Variants in CFAP20DC observed in about 807,000 individuals in gnomAD.
CFAP20DC encodes the protein protein CFAP20DC.
A neutral mutation model predicts 101.7 loss-of-function variants in CFAP20DC; 84 were observed. The observed-to-expected ratio is 0.83, with a 90% CI of 0.69 to 0.99. The LOEUF (loss-of-function observed/expected upper bound fraction) is 0.99, where lower values mean the gene tolerates loss of function less well. Ranked by LOEUF, CFAP20DC falls within the 50% of genes least tolerant of loss-of-function variation. CFAP20DC has a pLI of 0.00. For synonymous variants in CFAP20DC, 359 were observed against 351.2 expected, an observed-to-expected ratio of 1.02 and a Z score of -0.25; for missense variants, 1,007 against 970.3, an observed-to-expected ratio of 1.04 and a Z score of -0.50.
chr3:58,734,670 C>G, intron 3 of CFAP20DC: 1 of 435,042 alleles, frequency 2.3e-6, no homozygotes, highest in Non-Finnish European at 4.6e-6. Flanking sequence ...CAAGTTCCCT[C>G]TAACTTGGTG....
Position 58,863,525 on chromosome 3 carries a change from C to A in CFAP20DC, c.1593+33G>T, listed in dbSNP as rs1355035661. On this transcript the variant is annotated intron_variant, in intron 12 of 16. Transcript: ENST00000482387. This position sits in a 1 kb window ranked among gnomAD's most constrained non-coding sequence, Gnocchi z 5.9. The stretch of plus-strand genomic sequence containing the variant: ...TATTGGAGCTAAGGAAACAACTGTG[C>A]TTCAAGACTACTTCACTTATCAAGC... 12 of 1,610,516 alleles carry A rather than the reference C, an allele frequency of 7.5e-6. No homozygotes were observed. The highest frequency in any genetic ancestry group is 9.3e-6 in the Non-Finnish European group (11 of 1,178,836).
Position 58,792,863 on chromosome 3 carries a change from G to C in CFAP20DC, c.2237+13532C>G, listed in dbSNP as rs114308060. ...CTTGTTGTAAGTGATTTAAATGCTT[G>C]AAGAAAAAGTACATGTGGTGTTGGT... On this transcript the variant is annotated intron_variant, in intron 15 of 16. Transcript: ENST00000482387. Among the ~76,000 whole-genome samples, 1,012 of 152,070 alleles carry C rather than the reference G, an allele frequency of 6.7e-3. 15 individuals are homozygous for C. Among genetic ancestry groups the C allele is most frequent in the African/African-American group, 0.023 (959 of 41,512 alleles).
Position 58,863,838 on chromosome 3 carries a change from C to A in CFAP20DC, c.1313G>T (p.Arg438Ile). 1 of 1,614,148 alleles carries A rather than the reference C, an allele frequency of 6.2e-7. No homozygotes were observed. The highest frequency in any genetic ancestry group is 8.5e-7 in the Non-Finnish European group (1 of 1,180,000). The change falls in exon 12 of 17, where the codon AGA (arginine) becomes ATA (isoleucine). Residue 438 changes from arginine (R) to isoleucine (I), a missense_variant. Physicochemically the swap from Arg to Ile is moderately conservative, Grantham distance 97. Coordinates refer to ENST00000482387, the MANE Select transcript of CFAP20DC (RefSeq NM_001394063.1). This position sits in a 1 kb window ranked among gnomAD's most constrained non-coding sequence, Gnocchi z 5.9. ...ADHISYLASS[R>I]QSLLLGDDSC... The stretch of plus-strand genomic sequence containing the variant: ...GTCATCACCCAGAAGTAGAGACTGT[C>A]TGCTGGATGCCAGATATGAAATGTG...
intron 13 of CFAP20DC, among the ~76,000 whole-genome samples, chr3:58,840,588 T>C (rs1230318496): frequency 6.6e-6 from 1 of 152,156 alleles, no homozygotes; most frequent in Non-Finnish European, 1.5e-5. Flanking sequence ...CAACTATAAA[T>C]AAAGAGCAGG....
intron 4 of CFAP20DC, among the ~76,000 whole-genome samples, chr3:59,028,640 T>C (rs568496287): frequency 1.3e-5 from 2 of 152,196 alleles, no homozygotes; most frequent in Non-Finnish European, 2.9e-5. Flanking sequence ...TCAGGCTACA[T>C]GTTTGAATCT....
At chr3:58,723,074 A>G (rs2067495339) in intron 3 of CFAP20DC, among the ~76,000 whole-genome samples, 1 of 152,262 alleles carries the variant, frequency 6.6e-6, no homozygotes, top group African/African-American at 2.4e-5. Flanking sequence ...ACAAAACCTG[A>G]TGCTAAGCAA....
intron 4 of CFAP20DC, 52 bp downstream of exon 4, chr3:59,039,505 G>A: frequency 9.0e-7 from 1 of 1,112,464 alleles, no homozygotes; most frequent in Non-Finnish European, 1.3e-6. Context: ...TGCTTCAATT[G>A]ATCAAATGTC....
At chr3:58,815,926 T>C (rs1410371601) in intron 14 of CFAP20DC, among the ~76,000 whole-genome samples, 2 of 151,376 alleles carry the variant, frequency 1.3e-5, no homozygotes, top group Non-Finnish European at 1.5e-5. Context: ...TGTAAACTAG[T>C]TCAACCATTG....
chr3:58,789,871 A>T (rs1490394268), intron 15 of CFAP20DC, among the ~76,000 whole-genome samples: 1 of 152,188 alleles, frequency 6.6e-6, no homozygotes, highest in Admixed American at 6.6e-5. Context: ...ATAATTATTC[A>T]TGGTGTTACT....
At chr3:58,797,347 G>T (rs971848069) in intron 15 of CFAP20DC, among the ~76,000 whole-genome samples, 3 of 152,188 alleles carry the variant, frequency 2.0e-5, no homozygotes, top group Non-Finnish European at 4.4e-5. Context: ...TATGGAGAAA[G>T]TTTGAGTGGT....
At chr3:58,790,819 G>C (rs2072784065) in intron 15 of CFAP20DC, among the ~76,000 whole-genome samples, 1 of 152,144 alleles carries the variant, frequency 6.6e-6, no homozygotes, top group Non-Finnish European at 1.5e-5. Context: ...CGGTGATTAG[G>C]ACTATGCCAG....
At chr3:58,755,043 G>A (rs138498331) in intron 15 of CFAP20DC, among the ~76,000 whole-genome samples, 4 of 152,220 alleles carry the variant, frequency 2.6e-5, no homozygotes, top group Non-Finnish European at 4.4e-5. Context: ...GGACTTTGTT[G>A]GAACTAAACC....
chr3:58,806,393 A>T lies in CFAP20DC; in HGVS notation c.2237+2T>A. ...TAAATGTAGATTATTAATGATTCTT[A>T]CCGGGGATTAGAAGGAGAAGGTGGG... On this transcript the variant is annotated splice_donor_variant, in intron 15 of 16. Transcript: ENST00000482387. LOFTEE classifies it high-confidence loss of function. 2 of 1,578,504 alleles carry T rather than the reference A, an allele frequency of 1.3e-6. No homozygotes were observed. Among genetic ancestry groups the T allele is most frequent in the Non-Finnish European group, 1.7e-6 (2 of 1,147,768 alleles).
At chr3:58,850,481 G>A (rs558222453) in intron 12 of CFAP20DC, among the ~76,000 whole-genome samples, 13 of 151,676 alleles carry the variant, frequency 8.6e-5, no homozygotes, top group East Asian at 1.9e-4. Flanking sequence ...CCAGCTACTC[G>A]GGAGACTGAG....
intron 15 of CFAP20DC, among the ~76,000 whole-genome samples, chr3:58,797,239 A>C (rs1175651904): frequency 6.6e-6 from 1 of 152,224 alleles, no homozygotes; most frequent in Non-Finnish European, 1.5e-5. Flanking sequence ...CCAAAAGCTA[A>C]GATGGGAATG....
At position 59,036,804 on chromosome 3, in the gene CFAP20DC, A is replaced by G. The variant is rs544491734; in HGVS notation, c.278+2753T>C. Among the ~76,000 whole-genome samples the G allele has an allele frequency of 2.6e-5, 4 of 152,330 alleles. No individual in the cohort carries two copies. In the East Asian group the frequency reaches 5.8e-4, roughly 22 times the overall value. ...TACTTTAAATTTCATATGGAACCAA[A>G]AAAGAGCCCATATAGCCAAAACAAT... On this transcript the variant is annotated intron_variant, in intron 4 of 16. Coordinates refer to ENST00000482387, the MANE Select transcript of CFAP20DC (RefSeq NM_001394063.1).
intron 5 of CFAP20DC, among the ~76,000 whole-genome samples, chr3:58,920,336 C>T (rs1378345164): frequency 6.6e-6 from 1 of 152,034 alleles, no homozygotes; most frequent in African/African-American, 2.4e-5. Context: ...TCAAACAATC[C>T]TCCTGTCTCA....
At chr3:58,752,792 T>A (rs538217731) in intron 16 of CFAP20DC, among the ~76,000 whole-genome samples, 1 of 152,038 alleles carries the variant, frequency 6.6e-6, no homozygotes, top group African/African-American at 2.4e-5. Flanking sequence ...GAATTCTCCA[T>A]ACCTAAAGAA....
rs1222005208 is a variant in CFAP20DC at position 58,937,714 on chromosome 3, G to T, written c.327C>A (p.Val109=). The T allele has an allele frequency of 1.2e-6, 2 of 1,612,294 alleles. No individual in the cohort carries two copies. The change falls in exon 5 of 17, where the codon GTC becomes GTA. Residue 109 remains valine (V), a synonymous_variant. Transcript: ENST00000482387. The part of the protein sequence containing the change: ...NIKRRLYLST[V]HKELSSTPLH... ...GAGGGGTGGAGGATAGTTCCTTATGGACCGTTGATAAATATAATCTTCTTT... is the reference window on the plus strand; with the variant it reads ...GAGGGGTGGAGGATAGTTCCTTATGTACCGTTGATAAATATAATCTTCTTT...
Sources: allele counts gnomAD v4.1 joint callset (sites outside exome capture counted in the v4.1 genomes callset), GRCh38; gene constraint gnomAD v4.1.1; non-coding constraint Gnocchi (gnomAD v3.1); transcripts MANE v1.5; gene names NCBI Gene and HGNC (gene_info 2026-07-23, HGNC 2026-07-21).